The following MAP2K4 variants were observed in gnomAD, a reference collection of about 807,000 sequenced individuals.
MAP2K4 encodes the protein dual specificity mitogen-activated protein kinase kinase 4.
In MAP2K4, 4 loss-of-function variants were observed where a neutral mutation model predicts 48.5. The ratio of observed to expected loss-of-function variants is 0.08; its 90% CI spans 0.04 to 0.19. The LOEUF is 0.19. Among genes scored for constraint, MAP2K4 ranks in the 10% least tolerant of loss-of-function variants. MAP2K4 has a pLI of 1.00. For synonymous variants in MAP2K4, 166 were observed against 173.1 expected, an observed-to-expected ratio of 0.96 and a Z score of 0.32; for missense variants, 258 against 493.3, an observed-to-expected ratio of 0.52 and a Z score of 4.52.
chr17:12,113,457 A>T, intron 7 of MAP2K4, 97 bp downstream of exon 7: 1 of 1,432,892 alleles, frequency 7.0e-7, no homozygotes, highest in Non-Finnish European at 9.5e-7. Flanking sequence ...TTACCATGAA[A>T]CTGCTAGAAT....
At chr17:12,128,844 C>T (rs1391506205) in intron 8 of MAP2K4, among the ~76,000 whole-genome samples, 1 of 152,214 alleles carries the variant, frequency 6.6e-6, no homozygotes, top group Non-Finnish European at 1.5e-5. Context: ...GTCAGAACCA[C>T]AGGCTGCCCT....
At chr17:12,106,528 C>T (rs2151571571) in intron 4 of MAP2K4, among the ~76,000 whole-genome samples, 1 of 152,112 alleles carries the variant, frequency 6.6e-6, no homozygotes, top group Admixed American at 6.5e-5. Context: ...GTGTATTGTT[C>T]TGGGCAAGTA....
intron 2 of MAP2K4, among the ~76,000 whole-genome samples, chr17:12,069,137 C>G (rs919815920): frequency 6.6e-6 from 1 of 152,130 alleles, no homozygotes; most frequent in African/African-American, 2.4e-5. Context: ...TTGGCTATGT[C>G]TAATGTTCTG....
intron 9 of MAP2K4, among the ~76,000 whole-genome samples, chr17:12,131,462 A>C (rs1416362492): frequency 1.3e-5 from 2 of 151,038 alleles, no homozygotes; most frequent in East Asian, 3.9e-4. Flanking sequence ...GGCCAGGCTG[A>C]TCTCGAACTT....
At chr17:12,048,790 G>A (rs1284755115) in intron 1 of MAP2K4, among the ~76,000 whole-genome samples, 3 of 151,946 alleles carry the variant, frequency 2.0e-5, no homozygotes, top group Non-Finnish European at 4.4e-5. Context: ...CCGAGTAGCT[G>A]GGATTACAGG....
chr17:12,032,579 A>G (rs568285456), intron 1 of MAP2K4, among the ~76,000 whole-genome samples: 216 of 152,324 alleles, frequency 1.4e-3, no homozygotes, highest in Middle Eastern at 3.4e-3. Context: ...ATAGGTATTC[A>G]GACTTAACCC....
intron 2 of MAP2K4, among the ~76,000 whole-genome samples, chr17:12,068,325 A>C (rs529644891): frequency 6.6e-6 from 1 of 152,324 alleles, no homozygotes; most frequent in East Asian, 1.9e-4. Context: ...TAAACTGATT[A>C]TTTACAGTCT....
At chr17:12,116,694 C>T (rs779010724) in intron 7 of MAP2K4, among the ~76,000 whole-genome samples, 2 of 152,168 alleles carry the variant, frequency 1.3e-5, no homozygotes, top group Non-Finnish European at 2.9e-5. Context: ...TCACTGTCTT[C>T]TACATCCACA....
intron 8 of MAP2K4, among the ~76,000 whole-genome samples, chr17:12,125,684 C>A (rs1972831017): frequency 2.6e-5 from 4 of 152,170 alleles, no homozygotes; most frequent in African/African-American, 9.6e-5. Flanking sequence ...GCCAGCTTAC[C>A]TGCAGTCAAT....
intron 9 of MAP2K4, among the ~76,000 whole-genome samples, chr17:12,136,608 A>C (rs1314221872): frequency 6.6e-6 from 1 of 152,204 alleles, no homozygotes; most frequent in Admixed American, 6.5e-5. Flanking sequence ...ACCTTATTAG[A>C]TAGTCTAAGG....
intron 1 of MAP2K4, among the ~76,000 whole-genome samples, chr17:12,022,313 G>A (rs888951534): frequency 9.9e-5 from 15 of 152,170 alleles, no homozygotes; most frequent in Admixed American, 7.2e-4. Flanking sequence ...TGATGTCAGA[G>A]CTTAGAGGAC....
At chr17:12,044,025 A>G (rs1259234669) in intron 1 of MAP2K4, among the ~76,000 whole-genome samples, 1 of 151,486 alleles carries the variant, frequency 6.6e-6, no homozygotes, top group East Asian at 1.9e-4. Flanking sequence ...GAGTTACCAG[A>G]CTCTTGCACA....
chr17:12,085,717 A>C (rs1267922879), intron 3 of MAP2K4, among the ~76,000 whole-genome samples: 1 of 151,976 alleles, frequency 6.6e-6, no homozygotes, highest in African/African-American at 2.4e-5. Context: ...GACCCAGCCT[A>C]ATCCTGATGC....
intron 4 of MAP2K4, among the ~76,000 whole-genome samples, chr17:12,105,308 C>T (rs1001825439): frequency 6.6e-6 from 1 of 152,112 alleles, no homozygotes; most frequent in Middle Eastern, 3.2e-3. Flanking sequence ...TGGTCTGCTA[C>T]TCCATTTGTT....
chr17:12,109,288 A>G (rs908945632), intron 5 of MAP2K4, among the ~76,000 whole-genome samples: 14 of 152,350 alleles, frequency 9.2e-5, no homozygotes, highest in Middle Eastern at 3.4e-3. Flanking sequence ...TAAAGAATAT[A>G]TACTGTAAAA....
At chr17:12,054,028 A>G (rs978173678) in intron 1 of MAP2K4, among the ~76,000 whole-genome samples, 1 of 152,200 alleles carries the variant, frequency 6.6e-6, no homozygotes, top group East Asian at 1.9e-4. Flanking sequence ...TATCCTTTTA[A>G]GTCCTAAAGA....
In MAP2K4 at chr17:12,058,223, CTTTCTTTTTTT is replaced by C. The variant is rs1408089237; in HGVS notation, c.218+3236_218+3246del. On this transcript the variant is annotated intron_variant, in intron 2 of 10. Transcript: ENST00000353533. ...AGAGGAAAAGTGGAATTAACTAGAC[CTTTCTTTTTTT>C]TTTTTTTTTTTTAAGTGGCAGGGTC... 2.8e-5 allele frequency among the ~76,000 whole-genome samples: 4 copies of C among 143,264 alleles called. No individual in the cohort carries two copies. In the East Asian group the frequency reaches 7.9e-4, roughly 28 times the overall value. 94.0% of individuals were successfully genotyped at this position (143,264 alleles called of 152,430 possible). A position where few individuals can be genotyped will look rare whatever the true frequency, so the allele number is the denominator to read the frequency against.
chr17:12,033,631 G>A (rs865900739), intron 1 of MAP2K4, among the ~76,000 whole-genome samples: 3 of 152,024 alleles, frequency 2.0e-5, no homozygotes, highest in Non-Finnish European at 4.4e-5. Flanking sequence ...CTTTATATAT[G>A]ATATATATCT....
At chr17:12,021,159 C>T (rs1969025321) in intron 1 of MAP2K4, among the ~76,000 whole-genome samples, 158 bp downstream of exon 1, 1 of 151,670 alleles carries the variant, frequency 6.6e-6, no homozygotes, top group East Asian at 1.9e-4. Flanking sequence ...CCGCTCCCGG[C>T]CGCCTCCGGC....
Sources: allele counts gnomAD v4.1 joint callset (sites outside exome capture counted in the v4.1 genomes callset), GRCh38; gene constraint gnomAD v4.1.1; transcripts MANE v1.5; gene names NCBI Gene and HGNC (gene_info 2026-07-23, HGNC 2026-07-21).